The following IGSF11 variants were observed in gnomAD, a reference collection of about 807,000 sequenced individuals.
IGSF11 encodes CXADR like 1.
A neutral mutation model predicts 41.0 loss-of-function variants in IGSF11; 22 were observed. That is an observed-to-expected ratio of 0.54 (90% CI 0.38 to 0.77). IGSF11 has a LOEUF of 0.77. IGSF11 is among the 30% of genes least tolerant of loss of function. The probability of loss-of-function intolerance (pLI) is 0.00; values close to 1 mark genes in which losing one functional copy is unlikely to be tolerated. For synonymous variants in IGSF11, 219 were observed against 201.3 expected, an observed-to-expected ratio of 1.09 and a Z score of -0.74; for missense variants, 444 against 530.8, an observed-to-expected ratio of 0.84 and a Z score of 1.61.
At chr3:119,085,900 G>T (rs1281378823) in intron 1 of IGSF11, among the ~76,000 whole-genome samples, 1 of 152,192 alleles carries the variant, frequency 6.6e-6, no homozygotes, top group African/African-American at 2.4e-5. Flanking sequence ...AATGAATGAA[G>T]GGTTTTATTG....
rs1174876024 is a variant in IGSF11 at position 119,083,531 on chromosome 3, C to CAA, written c.49+21612_49+21613insTT. Among the ~76,000 whole-genome samples, 28 of 59,110 alleles carry CAA rather than the reference C, an allele frequency of 4.7e-4. 1 individual carries two copies. Among genetic ancestry groups the CAA allele is most frequent in the African/African-American group, 1.6e-3 (28 of 17,630 alleles). 38.8% of individuals were successfully genotyped at this position (59,110 alleles called of 152,430 possible). A position where few individuals can be genotyped will look rare whatever the true frequency, so the allele number is the denominator to read the frequency against. On this transcript the variant is annotated intron_variant, in intron 1 of 6. Coordinates refer to the IGSF11 transcript ENST00000354673. ...ACACACACACACACACACACACACA[C>CAA]ACACAAACACACACACACACACATA...
chr3:118,968,688 T>G (rs770910790), intron 1 of IGSF11, among the ~76,000 whole-genome samples: 11 of 152,242 alleles, frequency 7.2e-5, no homozygotes, highest in Non-Finnish European at 1.3e-4. Flanking sequence ...ACTAAAGATG[T>G]TCAATCTGTG....
rs1003323542 is a variant in IGSF11, at chr3:119,018,179, C to T, written c.52+16352G>A. On this transcript the variant is annotated intron_variant, in intron 1 of 6. Transcript: ENST00000393775. ...AGCTAGTGCTTTATTACTCAATAGG[C>T]ACACCAAACAAATAAATAAGGCATC... is the stretch of plus-strand genomic sequence containing the variant. Among the ~76,000 whole-genome samples the T allele has an allele frequency of 3.9e-5, 6 of 152,210 alleles. 1 individual carries two copies. Among genetic ancestry groups the T allele is most frequent in the East Asian group, 1.9e-4 (1 of 5,186 alleles).
chr3:119,115,283 T>A (rs1469468252), intron 1 of IGSF11, among the ~76,000 whole-genome samples: 2 of 152,186 alleles, frequency 1.3e-5, no homozygotes, highest in Non-Finnish European at 2.9e-5. Flanking sequence ...GATTACTGGA[T>A]CATAAGGTAG....
intron 1 of IGSF11, among the ~76,000 whole-genome samples, chr3:119,101,544 T>A (rs964078126): frequency 4.6e-5 from 7 of 152,050 alleles, no homozygotes; most frequent in African/African-American, 1.7e-4. Flanking sequence ...TATACAGACA[T>A]GGCACAAAAA....
chr3:118,949,360 A>T (rs1436283961), intron 1 of IGSF11: 1 of 151,750 alleles, frequency 6.6e-6, no homozygotes, highest in Non-Finnish European at 1.5e-5. Flanking sequence ...ACTCTGCCTC[A>T]GAGTTGCCCA....
chr3:119,101,109 C>T (rs1355554302), intron 1 of IGSF11, among the ~76,000 whole-genome samples: 6 of 152,202 alleles, frequency 3.9e-5, no homozygotes, highest in South Asian at 2.1e-4. Context: ...CACTTCTCTC[C>T]GTGCCACTGC....
chr3:119,090,838 G>T (rs2076750506), intron 1 of IGSF11, among the ~76,000 whole-genome samples: 1 of 152,082 alleles, frequency 6.6e-6, no homozygotes, highest in Non-Finnish European at 1.5e-5. Flanking sequence ...GGAATTTTTG[G>T]CTAAGTTCCC....
intron 4 of IGSF11, among the ~76,000 whole-genome samples, chr3:118,917,744 C>T (rs1162015016): frequency 1.3e-5 from 2 of 149,890 alleles, no homozygotes; most frequent in East Asian, 4.0e-4. Context: ...GGAATCCTCC[C>T]TAACTCATTT....
chr3:118,946,204 GCACA>G (rs148772016), intron 1 of IGSF11, among the ~76,000 whole-genome samples: 40 of 140,710 alleles, frequency 2.8e-4, no homozygotes, highest in African/African-American at 2.1e-4. Context: ...ACACACACAC[GCACA>G]CACACACACA....
At position 119,001,650 on chromosome 3, in the gene IGSF11, T is replaced by G. The variant is rs1157647596; in HGVS notation, c.52+32881A>C. 3.8e-4 allele frequency among the ~76,000 whole-genome samples: 48 copies of G among 127,902 alleles called. 1 individual carries two copies. Among genetic ancestry groups the G allele is most frequent in the African/African-American group, 1.4e-3 (48 of 33,770 alleles). 83.9% of individuals were successfully genotyped at this position (127,902 alleles called of 152,430 possible). A position where few individuals can be genotyped will look rare whatever the true frequency, so the allele number is the denominator to read the frequency against. On this transcript the variant is annotated intron_variant, in intron 1 of 6. Coordinates refer to ENST00000393775, the MANE Select transcript of IGSF11 (RefSeq NM_001015887.3). ...CCCCACCCCACAACAGTCCCCAGAG[T>G]GTGATATTCCCCTTCCTGTGTCCAT...
chr3:119,081,736 TACTC>T (rs1439840426), intron 1 of IGSF11, among the ~76,000 whole-genome samples: 2 of 152,204 alleles, frequency 1.3e-5, no homozygotes, highest in Non-Finnish European at 2.9e-5. Flanking sequence ...TGCTGTTACT[TACTC>T]ACACCTCCTT....
At chr3:119,011,254 A>G (rs1462462807) in intron 1 of IGSF11, among the ~76,000 whole-genome samples, 1 of 152,158 alleles carries the variant, frequency 6.6e-6, no homozygotes, top group African/African-American at 2.4e-5. Context: ...CTAAGCTCCC[A>G]TTAAAAAAAT....
chr3:118,955,959 A>G (rs1944923171), intron 1 of IGSF11, among the ~76,000 whole-genome samples: 1 of 152,182 alleles, frequency 6.6e-6, no homozygotes, highest in East Asian at 1.9e-4. Context: ...TCTGTTGTTT[A>G]GTATATGTAC....
chr3:119,137,911 A>T (rs1019688527), intron 1 of IGSF11, among the ~76,000 whole-genome samples: 6 of 152,190 alleles, frequency 3.9e-5, no homozygotes, highest in Non-Finnish European at 7.3e-5. Context: ...CCAAATACAC[A>T]TTTCTCAAAA....
intron 4 of IGSF11, among the ~76,000 whole-genome samples, chr3:118,920,284 C>T (rs1404373817): frequency 6.7e-6 from 1 of 149,914 alleles, no homozygotes; most frequent in East Asian, 1.9e-4. Flanking sequence ...ATGTGTCAGA[C>T]ATGATACAAG....
chr3:119,119,256 G>T (rs1366854690), intron 1 of IGSF11, among the ~76,000 whole-genome samples: 2 of 152,172 alleles, frequency 1.3e-5, no homozygotes, highest in Non-Finnish European at 2.9e-5. Context: ...GAGTTTAAGG[G>T]ACTTAAACTT....
At chr3:119,113,446 A>C (rs2077211981) in intron 1 of IGSF11, among the ~76,000 whole-genome samples, 1 of 152,244 alleles carries the variant, frequency 6.6e-6, no homozygotes, top group Non-Finnish European at 1.5e-5. Context: ...TACAGGTCCC[A>C]TGGAAGTCCA....
At chr3:119,100,940 A>C (rs886295286) in intron 1 of IGSF11, among the ~76,000 whole-genome samples, 1 of 152,194 alleles carries the variant, frequency 6.6e-6, no homozygotes, top group African/African-American at 2.4e-5. Flanking sequence ...CTGAGGACAG[A>C]TCCATGGGGA....
Sources: allele counts gnomAD v4.1 joint callset (sites outside exome capture counted in the v4.1 genomes callset), GRCh38; gene constraint gnomAD v4.1.1; transcripts MANE v1.5; gene names NCBI Gene and HGNC (gene_info 2026-07-23, HGNC 2026-07-21).